Variants in XIRP2 observed in about 807,000 individuals in gnomAD.
The protein encoded by XIRP2 is xin actin binding repeat containing 2, also known as xin actin-binding repeat-containing protein 2.
In XIRP2, 236 loss-of-function variants were observed where a neutral mutation model predicts 277.0. That is an observed-to-expected ratio of 0.85 (90% CI 0.77 to 0.95). XIRP2 has a LOEUF of 0.95. Ranked by LOEUF, XIRP2 falls within the 40% of genes least tolerant of loss-of-function variation. The pLI is 0.00. For synonymous variants in XIRP2, 1,490 were observed against 1,416.5 expected, an observed-to-expected ratio of 1.05 and a Z score of -1.17; for missense variants, 4,640 against 4,157.5, an observed-to-expected ratio of 1.12 and a Z score of -3.19.
Position 167,249,203 on chromosome 2 carries a change from A to G in XIRP2, c.7811A>G (p.Glu2604Gly). The G allele has an allele frequency of 6.2e-7, 1 of 1,613,778 alleles. No homozygotes were observed. The highest frequency in any genetic ancestry group is 8.5e-7 in the Non-Finnish European group (1 of 1,179,820). The change falls in exon 9 of 11, where the codon GAA becomes GGA. Residue 2604 changes from glutamate to glycine, a missense_variant. Coordinates refer to ENST00000409195, the MANE Select transcript of XIRP2 (RefSeq NM_152381.6). The part of the protein sequence containing the change: ...EEVSLSGIDS[E>G]CTVVQPSPGS... ...GTTTCCCTATCTGGAATTGATTCAG[A>G]ATGCACTGTGGTTCAACCCAGCCCA...
chr2:166,936,312 G>C (rs1402885632), intron 2 of XIRP2, among the ~76,000 whole-genome samples: 2 of 152,016 alleles, frequency 1.3e-5, no homozygotes, highest in African/African-American at 4.8e-5. Flanking sequence ...CTGGATATTA[G>C]CCCTTTGTCA....
At chr2:167,219,783 A>G (rs1573968641) in intron 5 of XIRP2, among the ~76,000 whole-genome samples, 1 of 152,322 alleles carries the variant, frequency 6.6e-6, no homozygotes, top group Admixed American at 6.5e-5. Context: ...GATGAGTAGG[A>G]TGGAAAAACT....
chr2:167,011,333 G>A (rs1687673703), intron 2 of XIRP2, among the ~76,000 whole-genome samples: 1 of 151,688 alleles, frequency 6.6e-6, no homozygotes, highest in Non-Finnish European at 1.5e-5. Context: ...AGATAATAAT[G>A]TGGTTTTTGT....
At chr2:167,204,232 A>G (rs1430114714) in intron 3 of XIRP2, among the ~76,000 whole-genome samples, 1 of 152,228 alleles carries the variant, frequency 6.6e-6, no homozygotes, top group Non-Finnish European at 1.5e-5. Flanking sequence ...AATTATTGTT[A>G]ACCTTAGAAT....
intron 1 of XIRP2, among the ~76,000 whole-genome samples, chr2:166,897,668 AG>A (rs1009743182): frequency 2.6e-5 from 4 of 152,140 alleles, no homozygotes; most frequent in Admixed American, 2.6e-4. Context: ...AAACTGGCAA[AG>A]GATCCAGACT....
chr2:167,002,903 T>C (rs539632129), intron 2 of XIRP2, among the ~76,000 whole-genome samples: 1 of 152,076 alleles, frequency 6.6e-6, no homozygotes, highest in East Asian at 1.9e-4. Flanking sequence ...TGCTTCCTAT[T>C]TGATGCTTGG....
chr2:166,945,654 A>G (rs1685840006), intron 2 of XIRP2, among the ~76,000 whole-genome samples: 1 of 149,608 alleles, frequency 6.7e-6, no homozygotes, highest in South Asian at 2.1e-4. Flanking sequence ...CTGCTTTACT[A>G]AGATAAATCT....
chr2:167,230,694 A>G (rs1158791220), intron 5 of XIRP2, among the ~76,000 whole-genome samples: 1 of 152,100 alleles, frequency 6.6e-6, no homozygotes, highest in Non-Finnish European at 1.5e-5. Flanking sequence ...TTCATTTGAA[A>G]TCAACATGTA....
At position 167,250,344 on chromosome 2, in the gene XIRP2, A is replaced by C. The variant is rs751248217; in HGVS notation, c.8952A>C (p.Pro2984=). ...KTFQTLLNTI[P]GWLISEDKRE... ...TTCAGACACTATTAAATACTATCCC[A>C]GGATGGCTGATAAGTGAAGATAAGA... is the stretch of plus-strand genomic sequence containing the variant. Residue 2984 remains proline (P), a synonymous_variant, in exon 9 of 11, where the codon CCA becomes CCC. Coordinates refer to ENST00000409195, the MANE Select transcript of XIRP2 (RefSeq NM_152381.6). 6.2e-7 allele frequency: 1 copy of C among 1,613,612 alleles called. No individual in the cohort carries two copies. Among genetic ancestry groups the C allele is most frequent in the Non-Finnish European group, 8.5e-7 (1 of 1,179,698 alleles).
At chr2:167,206,063 G>T (rs2105383642) in intron 3 of XIRP2, among the ~76,000 whole-genome samples, 1 of 152,170 alleles carries the variant, frequency 6.6e-6, no homozygotes, top group Non-Finnish European at 1.5e-5. Flanking sequence ...GCGTTGTAAA[G>T]GAAATATCTA....
chr2:167,029,368 AG>A (rs1267977808), intron 2 of XIRP2, among the ~76,000 whole-genome samples: 1 of 152,128 alleles, frequency 6.6e-6, no homozygotes, highest in Non-Finnish European at 1.5e-5. Context: ...TATTATATTC[AG>A]ATACGTTCCC....
At chr2:166,913,318 C>CG (rs139652739) in intron 2 of XIRP2, among the ~76,000 whole-genome samples, 2 of 149,362 alleles carry the variant, frequency 1.3e-5, no homozygotes, top group South Asian at 2.1e-4. Context: ...GCACCCCCCC[C>CG]CCCCAGCCTC....
At chr2:167,031,658 A>T (rs186301649) in intron 2 of XIRP2, among the ~76,000 whole-genome samples, 16 of 152,268 alleles carry the variant, frequency 1.1e-4, no homozygotes, top group Admixed American at 9.2e-4. Context: ...CTTTACACCA[A>T]TAACAGACAA....
At chr2:167,213,146 A>G (rs1025775220) in intron 4 of XIRP2, among the ~76,000 whole-genome samples, 6 of 152,156 alleles carry the variant, frequency 3.9e-5, no homozygotes, top group African/African-American at 1.4e-4. Flanking sequence ...ATGCCCATGA[A>G]ACAGTGGTGG....
intron 1 of XIRP2, among the ~76,000 whole-genome samples, chr2:166,890,353 T>G (rs1238628658): frequency 6.6e-6 from 1 of 152,032 alleles, no homozygotes; most frequent in Non-Finnish European, 1.5e-5. Flanking sequence ...CACCTCTTGG[T>G]GCTTTCTAAG....
At chr2:167,226,012 G>A (rs1194058060) in intron 5 of XIRP2, among the ~76,000 whole-genome samples, 4 of 152,164 alleles carry the variant, frequency 2.6e-5, no homozygotes, top group South Asian at 2.1e-4. Flanking sequence ...AGATCTGCAC[G>A]AGCTGGTTGA....
At chr2:167,085,953 A>C (rs915704079) in intron 2 of XIRP2, among the ~76,000 whole-genome samples, 1 of 151,562 alleles carries the variant, frequency 6.6e-6, no homozygotes, top group African/African-American at 2.4e-5. Flanking sequence ...TTTAAAGTTA[A>C]TATTGTTATG....
intron 2 of XIRP2, among the ~76,000 whole-genome samples, chr2:167,079,017 T>G (rs1432688223): frequency 1.3e-5 from 2 of 152,146 alleles, no homozygotes; most frequent in Non-Finnish European, 2.9e-5. Flanking sequence ...GCTCTGATTA[T>G]TTTGAGGTAT....
chr2:167,035,497 T>C (rs1254912078), intron 2 of XIRP2, among the ~76,000 whole-genome samples: 1 of 152,132 alleles, frequency 6.6e-6, no homozygotes, highest in Non-Finnish European at 1.5e-5. Flanking sequence ...TTTGTGAAAC[T>C]TTGAACTTGA....
Sources: gnomAD v4.1 joint callset for allele counts (sites outside exome capture counted in the v4.1 genomes callset) on GRCh38, gnomAD v4.1.1 for gene constraint, MANE v1.5 for transcripts, NCBI Gene and HGNC (gene_info 2026-07-23, HGNC 2026-07-21) for gene names.